The following EYA4 variants were observed in gnomAD, a reference collection of about 807,000 sequenced individuals.
The protein encoded by EYA4 is protein phosphatase EYA4.
EYA4 carries 31 observed loss-of-function variants against 87.9 expected under a neutral mutation model. The ratio of observed to expected loss-of-function variants is 0.35; its 90% CI spans 0.27 to 0.48. EYA4 has a LOEUF of 0.48. Among genes scored for constraint, EYA4 ranks in the 20% least tolerant of loss-of-function variants. The pLI is 0.99. For synonymous variants in EYA4, 263 were observed against 270.6 expected (o/e 0.97, Z 0.28); for missense variants, 678 against 761.4 (o/e 0.89, Z 1.29).
At chr6:133,520,340 AACAG>A (rs1800002978) in intron 17 of EYA4, among the ~76,000 whole-genome samples, 1 of 118,390 alleles carries the variant, frequency 8.4e-6, no homozygotes, top group African/African-American at 3.2e-5. Context: ...ATACACCAAC[AACAG>A]ACAAACAGAG....
At chr6:133,509,943 G>A (rs1799000049) in intron 14 of EYA4, among the ~76,000 whole-genome samples, 3 of 152,140 alleles carry the variant, frequency 2.0e-5, no homozygotes, top group Admixed American at 1.3e-4. Context: ...AATAATGGAA[G>A]TTCAGGTTTC....
intron 10 of EYA4, among the ~76,000 whole-genome samples, chr6:133,467,294 G>C (rs1224600910): frequency 6.6e-6 from 1 of 152,090 alleles, no homozygotes; most frequent in East Asian, 1.9e-4. Context: ...CTTACTAGCT[G>C]TGTGACTTTG....
At chr6:133,334,417 A>G (rs1012860190) in intron 2 of EYA4, among the ~76,000 whole-genome samples, 10 of 152,302 alleles carry the variant, frequency 6.6e-5, no homozygotes, top group African/African-American at 2.4e-4. Flanking sequence ...TGATTTGTTC[A>G]TTTGCAGGTT....
intron 13 of EYA4, among the ~76,000 whole-genome samples, chr6:133,500,588 G>GA (rs1395950943): frequency 2.0e-5 from 3 of 152,098 alleles, no homozygotes; most frequent in African/African-American, 4.8e-5. Flanking sequence ...TTACTAGGGG[G>GA]AAAAAAGCAA....
At chr6:133,262,849 A>G (rs560061037) in intron 1 of EYA4, among the ~76,000 whole-genome samples, 51 of 152,306 alleles carry the variant, frequency 3.3e-4, no homozygotes, top group African/African-American at 1.2e-3. Context: ...CCATTTAAGG[A>G]GCTTGAAGTC....
At position 133,528,561 on chromosome 6, in the gene EYA4, C is replaced by T. The variant is rs540965812; in HGVS notation, c.1840-164C>T. Among the ~76,000 whole-genome samples, 4 of 152,300 alleles carry T rather than the reference C, an allele frequency of 2.6e-5. No individual in the cohort carries two copies. The East Asian group carries it at 7.7e-4, about 29-fold the overall frequency. The stretch of plus-strand genomic sequence containing the variant: ...ACAGTGCCATATTGGTGCTGCCAAG[C>T]CTTCACATATGATCATCCCGCCTTT... On this transcript the variant is annotated intron_variant, in intron 19 of 19. Transcript: ENST00000355286.
intron 2 of EYA4, among the ~76,000 whole-genome samples, chr6:133,306,090 A>G (rs1376315664): frequency 6.6e-6 from 1 of 152,162 alleles, no homozygotes; most frequent in Non-Finnish European, 1.5e-5. Context: ...TGGTGTTGCA[A>G]GAGTCTGTGA....
At chr6:133,512,693 CAAAT>C in intron 14 of EYA4, 24 bp from the exon 15 acceptor site, 1 of 1,562,800 alleles carries the variant, frequency 6.4e-7, no homozygotes, top group Non-Finnish European at 8.8e-7. Context: ...ATTTAGAAAA[CAAAT>C]AACTTTTCCA....
At chr6:133,459,642 A>G (rs1054525662) in intron 6 of EYA4, among the ~76,000 whole-genome samples, 2 of 152,172 alleles carry the variant, frequency 1.3e-5, no homozygotes, top group Non-Finnish European at 2.9e-5. Flanking sequence ...TTGGAATAAC[A>G]CTACTATTAT....
At chr6:133,241,195 G>A (rs1023491326), upstream of EYA4, among the ~76,000 whole-genome samples, 2 of 151,922 alleles carry the variant, frequency 1.3e-5, no homozygotes, top group Admixed American at 6.5e-5. Flanking sequence ...TGGGTCCCCC[G>A]CGCGCCGCCG....
chr6:133,245,592 C>A (rs1164156144), intron 1 of EYA4, among the ~76,000 whole-genome samples: 2 of 152,218 alleles, frequency 1.3e-5, no homozygotes, highest in African/African-American at 4.8e-5. Flanking sequence ...TGAATTTTTC[C>A]TGCTAAACTA....
intron 2 of EYA4, among the ~76,000 whole-genome samples, chr6:133,331,906 T>C (rs1004147838): frequency 6.6e-6 from 1 of 152,242 alleles, no homozygotes; most frequent in South Asian, 2.1e-4. Context: ...GTATCAGCTA[T>C]AGGTATGTTA....
chr6:133,435,913 T>C (rs962547496), intron 3 of EYA4, among the ~76,000 whole-genome samples: 1 of 152,050 alleles, frequency 6.6e-6, no homozygotes, highest in African/African-American at 2.4e-5. Context: ...GATCTAACAC[T>C]GCACATATAA....
At chr6:133,366,791 GT>G (rs1275753878) in intron 2 of EYA4, among the ~76,000 whole-genome samples, 1 of 152,220 alleles carries the variant, frequency 6.6e-6, no homozygotes, top group African/African-American at 2.4e-5. Context: ...TGGCTGTTTA[GT>G]TTTGATTTCA....
rs1454291284 is a variant in EYA4 at position 133,448,565 on chromosome 6, T to G, written c.277+386T>G. On this transcript the variant is annotated intron_variant, in intron 5 of 19. Transcript: ENST00000355286. ...TAATCACCTTCATAACCCACAGACTTTCATAATTTAAATTAAATTCTTAAT... is the reference window on the plus strand; with the variant it reads ...TAATCACCTTCATAACCCACAGACTGTCATAATTTAAATTAAATTCTTAAT... Among the ~76,000 whole-genome samples, 6 of 152,254 alleles carry G rather than the reference T, an allele frequency of 3.9e-5. No individual in the cohort carries two copies. The East Asian group carries it at 1.2e-3, about 29-fold the overall frequency.
intron 2 of EYA4, among the ~76,000 whole-genome samples, chr6:133,303,865 A>G (rs145297016): frequency 1.2e-4 from 19 of 152,222 alleles, no homozygotes; most frequent in African/African-American, 3.9e-4. Flanking sequence ...TATCACTCCT[A>G]TGAAATTTCT....
chr6:133,323,588 A>AG (rs1249063020), intron 2 of EYA4, among the ~76,000 whole-genome samples: 7 of 151,708 alleles, frequency 4.6e-5, no homozygotes, highest in Non-Finnish European at 8.8e-5. Flanking sequence ...AGCTCAGCAA[A>AG]AATGTTTAGT....
rs1800913162 is a variant in EYA4 at position 133,529,933 on chromosome 6, CA to C, written c.*1129del. 1.0e-6 allele frequency: 1 copy of C among 985,290 alleles called. No homozygotes were observed. Among genetic ancestry groups the C allele is most frequent in the African/African-American group, 1.7e-5 (1 of 57,316 alleles). 61.0% of individuals were successfully genotyped at this position (985,290 alleles called of 1,614,324 possible). A position where few individuals can be genotyped will look rare whatever the true frequency, so the allele number is the denominator to read the frequency against. ...TATCATGCAAATCATGAGCAATTAT[CA>C]CATAAACTTTTTTAGAATGTGCCAT... On this transcript the variant is annotated 3_prime_UTR_variant, in exon 20 of 20. Coordinates refer to ENST00000355286, the MANE Select transcript of EYA4 (RefSeq NM_004100.5).
chr6:133,243,648 C>A (rs939172766), intron 1 of EYA4, among the ~76,000 whole-genome samples: 1 of 136,100 alleles, frequency 7.3e-6, no homozygotes, highest in African/African-American at 2.7e-5. Flanking sequence ...TAAGCAGAAT[C>A]AGTGCCTTTT....
Sources: gnomAD v4.1 joint callset for allele counts (sites outside exome capture counted in the v4.1 genomes callset) on GRCh38, gnomAD v4.1.1 for gene constraint, MANE v1.5 for transcripts, NCBI Gene and HGNC (gene_info 2026-07-23, HGNC 2026-07-21) for gene names.